The following ARAP1 variants were observed in gnomAD, a reference collection of about 807,000 sequenced individuals.
ARAP1 encodes ArfGAP with RhoGAP domain, ankyrin repeat and PH domain 1.
In ARAP1, 76 loss-of-function variants were observed where a neutral mutation model predicts 172.2. The ratio of observed to expected loss-of-function variants is 0.44; its 90% confidence interval spans 0.37 to 0.53. ARAP1 has a LOEUF of 0.53. ARAP1 is among the 20% of genes least tolerant of loss of function. The probability of loss-of-function intolerance (pLI) is 0.00; values close to 1 mark genes in which losing one functional copy is unlikely to be tolerated. For missense variants in ARAP1, 1,686 were observed against 1,977.5 expected (o/e 0.85, Z 2.80); for synonymous variants, 804 against 803.3 (o/e 1.00, Z -0.01).
At chr11:72,696,267 C>T (rs1046149818) in intron 23 of ARAP1, among the ~76,000 whole-genome samples, 10 of 152,192 alleles carry the variant, frequency 6.6e-5, no homozygotes, top group Admixed American at 2.0e-4. Flanking sequence ...TCTAATGCCG[C>T]GGCTGATCTG....
At position 72,710,353 on chromosome 11, in the gene ARAP1, G is replaced by C. The variant is rs934923628; in HGVS notation, c.1416+32C>G. 1 of 1,611,166 alleles carries C rather than the reference G, an allele frequency of 6.2e-7. No individual in the cohort carries two copies. The highest frequency in any genetic ancestry group is 8.5e-7 in the Non-Finnish European group (1 of 1,177,780). On this transcript the variant is annotated intron_variant, in intron 10 of 34. Coordinates refer to ENST00000393609, the MANE Select transcript of ARAP1 (RefSeq NM_001040118.3). This position sits in a 1 kb window ranked among gnomAD's most constrained non-coding sequence, Gnocchi z 4.3. ...GCCTGGGGCAGGGTAGGTGGACATG[G>C]GCAGGGGAGAGGTTCCATGACCCCT... is the stretch of plus-strand genomic sequence containing the variant.
chr11:72,718,669 G>A (rs1857386501), intron 3 of ARAP1, among the ~76,000 whole-genome samples: 1 of 152,108 alleles, frequency 6.6e-6, no homozygotes, highest in African/African-American at 2.4e-5. Context: ...GAGAGACTAG[G>A]CACCCCGGGC....
At chr11:72,709,769 G>A in intron 11 of ARAP1, 101 bp downstream of exon 11, 1 of 1,273,568 alleles carries the variant, frequency 7.9e-7, no homozygotes, top group Non-Finnish European at 1.1e-6. Context: ...GGCAGGGTGA[G>A]GGAACCCATC....
At chr11:72,751,845 C>T (rs956705714) in intron 1 of ARAP1, among the ~76,000 whole-genome samples, 1 of 152,168 alleles carries the variant, frequency 6.6e-6, no homozygotes, top group African/African-American at 2.4e-5. Flanking sequence ...TTTCTTTCAC[C>T]AGCAACTGGG....
intron 3 of ARAP1, among the ~76,000 whole-genome samples, chr11:72,717,916 C>T (rs776119434): frequency 6.6e-6 from 1 of 152,190 alleles, no homozygotes; most frequent in Non-Finnish European, 1.5e-5. Flanking sequence ...CCCAGGGCTC[C>T]TCTGAGGCCA....
chr11:72,687,049 C>A (rs1480592733), intron 33 of ARAP1, among the ~76,000 whole-genome samples: 3 of 152,224 alleles, frequency 2.0e-5, no homozygotes, highest in Admixed American at 1.3e-4. Flanking sequence ...TAAACCGTTC[C>A]CTCTGCCTAG....
At chr11:72,736,949 C>G (rs1444910670) in intron 1 of ARAP1, among the ~76,000 whole-genome samples, 1 of 152,170 alleles carries the variant, frequency 6.6e-6, no homozygotes, top group African/African-American at 2.4e-5. Flanking sequence ...AGGCACTGGC[C>G]TGGCAAACAG....
chr11:72,733,876 T>C (rs1331213763), intron 1 of ARAP1, among the ~76,000 whole-genome samples: 1 of 152,226 alleles, frequency 6.6e-6, no homozygotes, highest in Non-Finnish European at 1.5e-5. Flanking sequence ...CCAGCTGGAG[T>C]GCAGTAGCGC....
At chr11:72,687,994 T>G (rs1404448073) in intron 31 of ARAP1, among the ~76,000 whole-genome samples, 2 of 97,930 alleles carry the variant, frequency 2.0e-5, no homozygotes, top group Non-Finnish European at 4.7e-5. Flanking sequence ...AGAATTTGTG[T>G]TTTTTTGTTG....
intron 1 of ARAP1, among the ~76,000 whole-genome samples, chr11:72,747,151 A>G (rs67260737): frequency 0.3 from 46,159 of 152,082 alleles, 7,883 homozygotes; most frequent in African/African-American, 0.44. Flanking sequence ...TCCAGGTGTG[A>G]CCCCTGGTTC....
chr11:72,705,548 G>A, intron 13 of ARAP1: 2 of 492,846 alleles, frequency 4.1e-6, no homozygotes, highest in South Asian at 3.2e-5. Flanking sequence ...TACAGTCTCT[G>A]CTGCATTTTC....
chr11:72,710,559 C>T lies in ARAP1; in HGVS notation c.1242G>A (p.Leu414=). 6.2e-7 allele frequency: 1 copy of T among 1,609,954 alleles called. No homozygotes were observed. Among genetic ancestry groups the T allele is most frequent in the South Asian group, 1.1e-5 (1 of 91,068 alleles). ...CACGCTGCTCAGCCATGGCCTGCTG[C>T]AGGGCCTGCATCCACTCCTTCCGCT... The part of the protein sequence containing the change: ...DVERKEWMQA[L]QQAMAEQRAR... The change falls in exon 10 of 35, where the codon CTG becomes CTA. Residue 414 remains leucine, a synonymous_variant. Transcript: ENST00000393609. This position sits in a 1 kb window ranked among gnomAD's most constrained non-coding sequence, Gnocchi z 4.3.
intron 21 of ARAP1, 59 bp downstream of exon 21, chr11:72,697,264 T>A: frequency 1.4e-6 from 2 of 1,409,740 alleles, no homozygotes; most frequent in Non-Finnish European, 9.4e-7. Context: ...CGCGCAGCTC[T>A]GGGGCGGGAG....
At position 72,698,063 on chromosome 11, in the gene ARAP1, A is replaced by G; in HGVS notation, c.2585T>C (p.Phe862Ser). ...PLAEDLLARD[F>S]ERLGRLPYKA... ...GTAGGGTAGGCGTCCCAGCCGCTCAAAATCCCGGGCCAGCAGATCCTCGGC... is the reference window on the plus strand; with the variant it reads ...GTAGGGTAGGCGTCCCAGCCGCTCAGAATCCCGGGCCAGCAGATCCTCGGC... Residue 862 changes from phenylalanine (F) to serine (S), a missense_variant, in exon 19 of 35, where the codon TTT becomes TCT. Physicochemically the swap from Phe to Ser is radical, Grantham distance 155. Transcript: ENST00000393609. The G allele has an allele frequency of 6.2e-7, 1 of 1,606,950 alleles. No homozygotes were observed. The highest frequency in any genetic ancestry group is 8.5e-7 in the Non-Finnish European group (1 of 1,177,242).
In ARAP1 at chr11:72,707,191, G is replaced by A. The variant is rs1383561537; in HGVS notation, c.1707C>T (p.Ile569=). ...DWASINLCVV[I]CKRCAGEHRG... Reference sequence around the variant, plus strand: ...TGCACACACCTGCACAGCGCTTGCAGATAACAACACAGAGGTTGATGGAGG... The same window carrying A: ...TGCACACACCTGCACAGCGCTTGCAAATAACAACACAGAGGTTGATGGAGG... The change falls in exon 12 of 35, where the codon ATC becomes ATT. Residue 569 remains isoleucine, a synonymous_variant. Coordinates refer to ENST00000393609, the MANE Select transcript of ARAP1 (RefSeq NM_001040118.3). The A allele has an allele frequency of 1.5e-5, 24 of 1,595,350 alleles. No homozygotes were observed. The highest frequency in any genetic ancestry group is 1.9e-5 in the Non-Finnish European group (22 of 1,170,832).
intron 3 of ARAP1, among the ~76,000 whole-genome samples, chr11:72,722,574 C>T (rs1215327856): frequency 2.0e-5 from 3 of 152,216 alleles, no homozygotes; most frequent in Non-Finnish European, 2.9e-5. Context: ...CTCTGAAGGG[C>T]GCAAGTTCTG....
At chr11:72,701,169 G>A (rs555139209) in intron 16 of ARAP1, among the ~76,000 whole-genome samples, 3 of 152,172 alleles carry the variant, frequency 2.0e-5, no homozygotes, top group African/African-American at 4.8e-5. Flanking sequence ...AAAGATCCTG[G>A]TAGGTGACGA....
At chr11:72,731,774 C>T (rs1857876112) in intron 2 of ARAP1, among the ~76,000 whole-genome samples, 1 of 152,150 alleles carries the variant, frequency 6.6e-6, no homozygotes, top group African/African-American at 2.4e-5. Flanking sequence ...TGGAAATCCA[C>T]CTCTGAGGAG....
rs1565230910 is a variant in ARAP1 at position 72,734,392 on chromosome 11, G to C, written c.-127-1795C>G. The stretch of plus-strand genomic sequence containing the variant: ...CACTTTGACCTCCCAAAGTGCTTAA[G>C]ATTATAGGCATAAGCCACTGCACCC... On this transcript the variant is annotated intron_variant, in intron 1 of 34. Coordinates refer to ENST00000393609, the MANE Select transcript of ARAP1 (RefSeq NM_001040118.3). 2.6e-5 allele frequency among the ~76,000 whole-genome samples: 4 copies of C among 152,228 alleles called. No individual in the cohort carries two copies. The South Asian group carries it at 8.3e-4, about 32-fold the overall frequency.
Sources: allele counts gnomAD v4.1 joint callset (sites outside exome capture counted in the v4.1 genomes callset), GRCh38; gene constraint gnomAD v4.1.1; non-coding constraint Gnocchi (gnomAD v3.1); transcripts MANE v1.5; gene names NCBI Gene and HGNC (gene_info 2026-07-23, HGNC 2026-07-21).